The following FBXO7 variants were observed in gnomAD, a reference collection of about 807,000 sequenced individuals.
FBXO7 encodes the protein F-box only protein 7.
A neutral mutation model predicts 50.2 loss-of-function variants in FBXO7; 31 were observed. The observed-to-expected ratio is 0.62, with a 90% CI of 0.46 to 0.83. The LOEUF is 0.83. Among genes scored for constraint, FBXO7 ranks in the 40% least tolerant of loss-of-function variants. FBXO7 has a pLI of 0.00. For missense variants in FBXO7, 667 were observed against 646.6 expected (o/e 1.03, Z -0.34); for synonymous variants, 256 against 253.1 (o/e 1.01, Z -0.11).
intron 6 of FBXO7, chr22:32,492,896 G>A: frequency 1.7e-6 from 1 of 604,606 alleles, no homozygotes; most frequent in Non-Finnish European, 2.9e-6. Context: ...AAGGGAATAA[G>A]GGCCTAGAGT....
chr22:32,495,576 G>T, intron 8 of FBXO7, 46 bp downstream of exon 8: 1 of 1,095,760 alleles, frequency 9.1e-7, no homozygotes, highest in South Asian at 1.4e-5. Context: ...ACACAGAAAT[G>T]ACTAGTGAAT....
At chr22:32,475,196 C>A (rs1000256093) in intron 1 of FBXO7, 72 bp downstream of exon 1, 62 of 1,514,198 alleles carry the variant, frequency 4.1e-5, no homozygotes, top group Non-Finnish European at 5.4e-5. Context: ...GGCGGGTTGG[C>A]GTCATCTGTG....
chr22:32,498,254 T>C lies in FBXO7; in HGVS notation c.1293T>C (p.Pro431=). 1 of 1,614,194 alleles carries C rather than the reference T, an allele frequency of 6.2e-7. No homozygotes were observed. Among genetic ancestry groups the C allele is most frequent in the Non-Finnish European group, 8.5e-7 (1 of 1,180,022 alleles). Residue 431 remains proline (P), a synonymous_variant, in exon 9 of 9, where the codon CCT becomes CCC. Coordinates refer to ENST00000266087, the MANE Select transcript of FBXO7 (RefSeq NM_012179.4). ...CATTCTATCCCAACCCCTTGCACCCTAGGCCATTTCCTAGCTCCCGCCTTC... is the reference window on the plus strand; with the variant it reads ...CATTCTATCCCAACCCCTTGCACCCCAGGCCATTTCCTAGCTCCCGCCTTC... ...TIPFYPNPLH[P]RPFPSSRLPP... is the part of the protein sequence containing the mutation.
chr22:32,490,366 CTA>C (rs894985780), intron 5 of FBXO7: 1 of 152,256 alleles, frequency 6.6e-6, no homozygotes, highest in Non-Finnish European at 1.5e-5. Context: ...CCGTACTTTA[CTA>C]TGAGTCACCT....
chr22:32,492,306 G>A (rs2057543114), intron 6 of FBXO7: 1 of 152,254 alleles, frequency 6.6e-6, no homozygotes, highest in African/African-American at 2.4e-5. Flanking sequence ...TCTGTAGTTG[G>A]TGATAAGGGA....
intron 4 of FBXO7, 146 bp downstream of exon 4, chr22:32,485,355 CAT>C (rs1209765463): frequency 1.5e-5 from 16 of 1,068,720 alleles, no homozygotes; most frequent in East Asian, 9.6e-5. Context: ...CCACTGATAA[CAT>C]GTGTCTGGAA....
chr22:32,498,190 G>A lies in FBXO7; in HGVS notation c.1229G>A (p.Arg410Gln), dbSNP rs2146008908. Residue 410 changes from arginine (R) to glutamine (Q), a missense_variant, in exon 9 of 9, where the codon CGG becomes CAG. Coordinates refer to ENST00000266087, the MANE Select transcript of FBXO7 (RefSeq NM_012179.4). ...HIQRKESPKG[R>Q]FVMLLPSSTH... The stretch of plus-strand genomic sequence containing the variant: ...CAAAGAAAAGAATCCCCGAAAGGGC[G>A]GTTTGTGATGCTCCTGCCATCGTCA... 6 of 1,614,126 alleles carry A rather than the reference G, an allele frequency of 3.7e-6. No homozygotes were observed. The highest frequency in any genetic ancestry group is 3.3e-4 in the Middle Eastern group (2 of 6,062).
chr22:32,489,792 T>C (rs2057522802), intron 5 of FBXO7: 1 of 152,258 alleles, frequency 6.6e-6, no homozygotes, highest in Admixed American at 6.5e-5. Context: ...AATATGCTGC[T>C]CATTTGGCAA....
intron 5 of FBXO7, 29 bp downstream of exon 5, chr22:32,487,857 G>T (rs2057508919): frequency 1.5e-6 from 2 of 1,315,126 alleles, no homozygotes; most frequent in Non-Finnish European, 2.2e-6. Context: ...AACTTTTGGG[G>T]TGAAACTCTG....
rs543557203 is a variant in FBXO7 at position 32,498,328 on chromosome 22, A to G, written c.1367A>G (p.Tyr456Cys). The G allele has an allele frequency of 5.6e-6, 9 of 1,613,844 alleles. No individual in the cohort carries two copies. The highest frequency in any genetic ancestry group is 2.2e-5 in the South Asian group (2 of 91,072). ...GEYDQRPTLPYVGDPISSLIP... is the reference protein window; with the variant it reads ...GEYDQRPTLPCVGDPISSLIP... ...TATGACCAAAGACCAACACTTCCCT[A>G]TGTTGGAGACCCAATCAGTTCACTC... Residue 456 changes from tyrosine (Y) to cysteine (C), a missense_variant, in exon 9 of 9, where the codon TAT becomes TGT. Physicochemically the swap from Tyr to Cys is radical, Grantham distance 194 (BLOSUM62 -2). Coordinates refer to ENST00000266087, the MANE Select transcript of FBXO7 (RefSeq NM_012179.4).
At chr22:32,491,477 A>T (rs1046734641) in intron 6 of FBXO7, 4 of 322,872 alleles carry the variant, frequency 1.2e-5, no homozygotes, top group South Asian at 1.2e-4. Context: ...TTACTTTTGT[A>T]TTCTTGTGGT....
chr22:32,479,357 G>T, intron 2 of FBXO7, 82 bp downstream of exon 2: 5 of 1,308,890 alleles, frequency 3.8e-6, no homozygotes, highest in South Asian at 2.4e-5. Flanking sequence ...TTCCAGTCAG[G>T]ATAATTATCA....
At position 32,491,102 on chromosome 22, in the gene FBXO7, C is replaced by G. The variant is rs2057531854; in HGVS notation, c.888C>G (p.Asn296Lys). The G allele has an allele frequency of 6.2e-7, 1 of 1,612,654 alleles. No homozygotes were observed. The highest frequency in any genetic ancestry group is 8.5e-7 in the Non-Finnish European group (1 of 1,178,750). Residue 296 changes from asparagine (N) to lysine (K), a missense_variant, in exon 6 of 9, where the codon AAC becomes AAG. By Grantham distance (94) the Asn-to-Lys change is moderately conservative. Transcript: ENST00000266087. Reference protein sequence around the residue: ...CKEKLGENVANIYKDLQKLSR... With the variant: ...CKEKLGENVAKIYKDLQKLSR... ...ATATTCTAGGGGAAAATGTAGCCAA[C>G]ATATACAAAGATCTTCAGAAACTCT...
rs745848474 is a variant in FBXO7 at position 32,498,498 on chromosome 22, C to T, written c.1537C>T (p.Arg513Trp). The change falls in exon 9 of 9, where the codon CGG becomes TGG. Residue 513 changes from arginine (R) to tryptophan (W), a missense_variant. Coordinates refer to ENST00000266087, the MANE Select transcript of FBXO7 (RefSeq NM_012179.4). Reference protein sequence around the residue: ...DRFPFRPSRGRPTDGRLSFM With the variant: ...DRFPFRPSRGWPTDGRLSFM ...ATTTCCCTTTAGACCCAGCAGGGGTCGGCCAACTGATGGCCGGCTGTCATT... is the reference window on the plus strand; with the variant it reads ...ATTTCCCTTTAGACCCAGCAGGGGTTGGCCAACTGATGGCCGGCTGTCATT... The T allele has an allele frequency of 3.2e-5, 52 of 1,612,942 alleles. No homozygotes were observed. The highest frequency in any genetic ancestry group is 6.7e-5 in the African/African-American group (5 of 74,914).
At chr22:32,489,004 G>T (rs1267640450) in intron 5 of FBXO7, 2 of 152,070 alleles carry the variant, frequency 1.3e-5, no homozygotes, top group Non-Finnish European at 2.9e-5. Flanking sequence ...TAGAGACAGG[G>T]TATCACCATA....
chr22:32,497,584 A>T (rs1362591515), intron 8 of FBXO7, among the ~76,000 whole-genome samples: 1 of 152,226 alleles, frequency 6.6e-6, no homozygotes, highest in African/African-American at 2.4e-5. Flanking sequence ...CGAATATTAC[A>T]TAAATTTAGT....
At position 32,498,225 on chromosome 22, in the gene FBXO7, ATTCCAT is replaced by A. The variant is rs774414875; in HGVS notation, c.1266_1271del (p.Pro423_Phe424del). On this transcript the variant is annotated inframe_deletion, in exon 9 of 9. Transcript: ENST00000266087. ...GCTCCTGCCATCGTCAACTCACACC[ATTCCAT>A]TCTATCCCAACCCCTTGCACCCTAG... The A allele has an allele frequency of 1.9e-6, 3 of 1,614,214 alleles. No homozygotes were observed. The highest frequency in any genetic ancestry group is 3.3e-5 in the Admixed American group (2 of 60,028).
chr22:32,486,495 G>A (rs1049839566), intron 4 of FBXO7, among the ~76,000 whole-genome samples: 1 of 151,956 alleles, frequency 6.6e-6, no homozygotes, highest in Non-Finnish European at 1.5e-5. Context: ...ACCACACCTG[G>A]CTATTTTTTA....
intron 6 of FBXO7, 68 bp from the exon 7 acceptor site, chr22:32,493,037 G>C: frequency 6.7e-7 from 1 of 1,481,764 alleles, no homozygotes; most frequent in Non-Finnish European, 9.4e-7. Context: ...CAACTTTGTT[G>C]ACTATGTGGA....
Sources: gnomAD v4.1 joint callset for allele counts (sites outside exome capture counted in the v4.1 genomes callset) on GRCh38, gnomAD v4.1.1 for gene constraint, MANE v1.5 for transcripts, NCBI Gene and HGNC (gene_info 2026-07-23, HGNC 2026-07-21) for gene names.